LEAP2: variants seen among roughly 807,000 people sequenced by gnomAD.
LEAP2 encodes the protein liver-expressed antimicrobial peptide 2.
A neutral mutation model predicts 9.3 loss-of-function variants in LEAP2; 13 were observed. The observed-to-expected ratio is 1.39, with a 90% CI of 0.91 to 2.21. LEAP2 has a LOEUF of 2.21. Among genes scored for constraint, LEAP2 ranks in the 30% most tolerant of loss-of-function variants. The pLI is 0.00. For synonymous variants in LEAP2, 34 were observed against 34.9 expected (o/e 0.98, Z 0.09); for missense variants, 98 against 94.0 (o/e 1.04, Z -0.17).
chr5:132,874,623 T>C lies in LEAP2; in HGVS notation c.*177T>C. 4.3e-6 allele frequency: 3 copies of C among 703,558 alleles called. No homozygotes were observed. Among genetic ancestry groups the C allele is most frequent in the Non-Finnish European group, 7.8e-6 (3 of 385,260 alleles). The allele number at this position is 703,558 out of a possible 1,614,324, so 43.6% of individuals were successfully genotyped here. A position where few individuals can be genotyped will look rare whatever the true frequency, so the allele number is the denominator to read the frequency against. On this transcript the variant is annotated 3_prime_UTR_variant, in exon 3 of 3. Transcript: ENST00000296877. ...TCCATTTCTTCTTAGAATGTTGATA[T>C]ATGGATAAGCATAACTAAACTTGTC...
Position 132,874,709 on chromosome 5 carries a change from C to A in LEAP2, c.*263C>A. The A allele has an allele frequency of 2.1e-5, 12 of 565,038 alleles. No homozygotes were observed. In the South Asian group the frequency reaches 2.2e-4, roughly 11 times the overall value. 35.0% of individuals were successfully genotyped at this position (565,038 alleles called of 1,614,324 possible). A position where few individuals can be genotyped will look rare whatever the true frequency, so the allele number is the denominator to read the frequency against. On this transcript the variant is annotated 3_prime_UTR_variant, in exon 3 of 3. Coordinates refer to ENST00000296877, the MANE Select transcript of LEAP2 (RefSeq NM_052971.3). The stretch of plus-strand genomic sequence containing the variant: ...TGTCTCAAATTGAAATTTTAGCAGT[C>A]TGGAATTCAAGCTTTTGAGGGAAAG...
At chr5:132,873,782 G>C in intron 1 of LEAP2, 31 bp downstream of exon 1, 1 of 1,597,816 alleles carries the variant, frequency 6.3e-7, no homozygotes, top group East Asian at 2.2e-5. Flanking sequence ...ATGTGTGTGT[G>C]TGGAGTGTGG....
chr5:132,873,781 T>C (rs1418090747), intron 1 of LEAP2, 30 bp downstream of exon 1: 5 of 1,597,500 alleles, frequency 3.1e-6, no homozygotes, highest in Non-Finnish European at 4.3e-6. Context: ...TATGTGTGTG[T>C]GTGGAGTGTG....
At chr5:132,873,792 G>A (rs1759774459) in intron 1 of LEAP2, 41 bp downstream of exon 1, 2 of 1,593,436 alleles carry the variant, frequency 1.3e-6, no homozygotes, top group Admixed American at 3.3e-5. Flanking sequence ...GTGGAGTGTG[G>A]AGATGATAGT....
chr5:132,873,854 C>G (rs1326562820), intron 1 of LEAP2, 96 bp from the exon 2 acceptor site: 3 of 1,587,426 alleles, frequency 1.9e-6, no homozygotes, highest in Non-Finnish European at 2.6e-6. Flanking sequence ...TTCCTCTGTT[C>G]TGAGTCTACA....
chr5:132,874,331 A>G, intron 2 of LEAP2, 79 bp from the exon 3 acceptor site: 1 of 1,267,878 alleles, frequency 7.9e-7, no homozygotes, highest in Non-Finnish European at 1.2e-6. Flanking sequence ...GATCAAGCAA[A>G]GAGGAAGGAA....
chr5:132,874,002 G>A lies in LEAP2; in HGVS notation c.110G>A (p.Arg37Lys). ...EVSSAKRRPR[R>K]MTPFWRGVSL... ...AGTTCGGCAAAGAGAAGGCCACGGAGAATGACCCCATTTTGGAGAGGGGTT... is the reference window on the plus strand; with the variant it reads ...AGTTCGGCAAAGAGAAGGCCACGGAAAATGACCCCATTTTGGAGAGGGGTT... The change falls in exon 2 of 3, where the codon AGA becomes AAA. Residue 37 changes from arginine to lysine, a missense_variant. Coordinates refer to ENST00000296877, the MANE Select transcript of LEAP2 (RefSeq NM_052971.3). The A allele has an allele frequency of 6.2e-7, 1 of 1,614,180 alleles. No individual in the cohort carries two copies. The highest frequency in any genetic ancestry group is 8.5e-7 in the Non-Finnish European group (1 of 1,180,034).
chr5:132,874,128 C>A (rs370433784), intron 2 of LEAP2, 39 bp downstream of exon 2: 37 of 1,591,662 alleles, frequency 2.3e-5, no homozygotes, highest in Non-Finnish European at 3.1e-5. Flanking sequence ...GGCCAGAGAG[C>A]CCTGGGAAGC....
chr5:132,874,492 C>T lies in LEAP2; in HGVS notation c.*46C>T. 2 of 1,528,298 alleles carry T rather than the reference C, an allele frequency of 1.3e-6. No individual in the cohort carries two copies. The highest frequency in any genetic ancestry group is 1.8e-6 in the Non-Finnish European group (2 of 1,101,980). 94.7% of individuals were successfully genotyped at this position (1,528,298 alleles called of 1,614,324 possible). A position where few individuals can be genotyped will look rare whatever the true frequency, so the allele number is the denominator to read the frequency against. The stretch of plus-strand genomic sequence containing the variant: ...AGGACAGCAGTCACCTCCGACAATG[C>T]TCCGTTCTATGGAATATTGATTAAC... On this transcript the variant is annotated 3_prime_UTR_variant, in exon 3 of 3. Transcript: ENST00000296877.
chr5:132,874,360 TGGTCATTC>T (rs754567968), intron 2 of LEAP2, 42 bp from the exon 3 acceptor site: 1 of 1,501,874 alleles, frequency 6.7e-7, no homozygotes, highest in Non-Finnish European at 9.3e-7. Flanking sequence ...TAGGTGGCCC[TGGTCATTC>T]CTAGACCCAG....
Position 132,874,457 on chromosome 5 carries a change from AG to A in LEAP2, c.*14del. The A allele has an allele frequency of 6.2e-7, 1 of 1,610,916 alleles. No homozygotes were observed. The highest frequency in any genetic ancestry group is 8.5e-7 in the Non-Finnish European group (1 of 1,177,066). Reference sequence around the variant, plus strand: ...GTGGCCCAGGAATGATGTACATACCAGGGAAAGAAAGGACAGCAGTCACCTC... The same window carrying A: ...GTGGCCCAGGAATGATGTACATACCAGGAAAGAAAGGACAGCAGTCACCTC... On this transcript the variant is annotated 3_prime_UTR_variant, in exon 3 of 3. Coordinates refer to ENST00000296877, the MANE Select transcript of LEAP2 (RefSeq NM_052971.3).
rs535381095 is a variant in LEAP2, at chr5:132,874,583, C to T, written c.*137C>T. 1.2e-4 allele frequency: 89 copies of T among 773,912 alleles called. No homozygotes were observed. In the East Asian group the frequency reaches 1.8e-3, roughly 15 times the overall value. The allele number at this position is 773,912 out of a possible 1,614,324, so 47.9% of individuals were successfully genotyped here. On this transcript the variant is annotated 3_prime_UTR_variant, in exon 3 of 3. Coordinates refer to ENST00000296877, the MANE Select transcript of LEAP2 (RefSeq NM_052971.3). ...TTTTTAATATTTAAAGGCAGATGTA[C>T]GCTTTAAATTGGTCTCCATTTCTTC...
chr5:132,874,026 T>C lies in LEAP2; in HGVS notation c.134T>C (p.Val45Ala). The change falls in exon 2 of 3, where the codon GTT (valine) becomes GCT (alanine). Residue 45 changes from valine (V) to alanine (A), a missense_variant. Val to Ala is a moderately conservative substitution (Grantham distance 64). Transcript: ENST00000296877. The part of the protein sequence containing the change: ...PRRMTPFWRG[V>A]SLRPIGASCR... ...AGAATGACCCCATTTTGGAGAGGGG[T>C]TTCCCTCAGGCCTATTGGAGCCTCC... The C allele has an allele frequency of 6.2e-7, 1 of 1,613,680 alleles. No homozygotes were observed. Among genetic ancestry groups the C allele is most frequent in the Non-Finnish European group, 8.5e-7 (1 of 1,179,858 alleles).
Position 132,873,708 on chromosome 5 carries a change from A to C in LEAP2, c.14A>C (p.Lys5Thr). 6.2e-7 allele frequency: 1 copy of C among 1,614,078 alleles called. No individual in the cohort carries two copies. Among genetic ancestry groups the C allele is most frequent in the Non-Finnish European group, 8.5e-7 (1 of 1,179,946 alleles). Residue 5 changes from lysine to threonine, a missense_variant, in exon 1 of 3, where the codon AAA becomes ACA. Physicochemically the swap from Lys to Thr is moderately conservative, Grantham distance 78. Coordinates refer to ENST00000296877, the MANE Select transcript of LEAP2 (RefSeq NM_052971.3). MWHL[K>T]LCAVLMIFLL... is the part of the protein sequence containing the mutation. ...CCCCCTGTCAAGATGTGGCACCTCAAACTTTGTGCAGTCCTCATGATCTTC... is the reference window on the plus strand; with the variant it reads ...CCCCCTGTCAAGATGTGGCACCTCACACTTTGTGCAGTCCTCATGATCTTC...
In LEAP2 at chr5:132,874,082, C is replaced by A. The variant is rs1339588772; in HGVS notation, c.190C>A (p.Leu64Ile). The A allele has an allele frequency of 6.2e-7, 1 of 1,612,920 alleles. No homozygotes were observed. The change falls in exon 2 of 3, where the codon CTA becomes ATA. Residue 64 changes from leucine to isoleucine, a missense_variant. By Grantham distance (5) the Leu-to-Ile change is conservative (BLOSUM62 2). Coordinates refer to ENST00000296877, the MANE Select transcript of LEAP2 (RefSeq NM_052971.3). ...GGATGATTCTGAGTGTATCACAAGG[C>A]TATGCAGGTACTCCCTGAACCTGGG... ...CRDDSECITR[L>I]CRKRRCSLSV...
Position 132,875,011 on chromosome 5 carries a change from A to C in LEAP2, c.*565A>C, listed in dbSNP as rs1477894631. The C allele has an allele frequency of 7.3e-6, 1 of 136,872 alleles. No homozygotes were observed. 8.5% of individuals were successfully genotyped at this position (136,872 alleles called of 1,614,324 possible). A position where few individuals can be genotyped will look rare whatever the true frequency, so the allele number is the denominator to read the frequency against. ...ATGCCACTGCACCCCAGCCTGGGTG[A>C]CATAGAGAGACTCTGTCTCAAAAAA... On this transcript the variant is annotated 3_prime_UTR_variant, in exon 3 of 3. Transcript: ENST00000296877.
chr5:132,873,803 G>C, intron 1 of LEAP2, 52 bp downstream of exon 1: 1 of 1,585,604 alleles, frequency 6.3e-7, no homozygotes, highest in Non-Finnish European at 8.7e-7. Flanking sequence ...AGATGATAGT[G>C]GTGGTGGAAC....
chr5:132,874,000 G>A lies in LEAP2; in HGVS notation c.108G>A (p.Arg36=), dbSNP rs767238845. 9.9e-6 allele frequency: 16 copies of A among 1,614,070 alleles called. No individual in the cohort carries two copies. In the Admixed American group the frequency reaches 2.3e-4, roughly 24 times the overall value. The change falls in exon 2 of 3, where the codon CGG becomes CGA. Residue 36 remains arginine, a synonymous_variant. Transcript: ENST00000296877. ...TGAGTTCGGCAAAGAGAAGGCCACG[G>A]AGAATGACCCCATTTTGGAGAGGGG... ...PEVSSAKRRP[R]RMTPFWRGVS... is the part of the protein sequence containing the mutation.
intron 2 of LEAP2, 24 bp from the exon 3 acceptor site, chr5:132,874,386 A>G: frequency 6.2e-7 from 1 of 1,610,646 alleles, no homozygotes; most frequent in Admixed American, 1.7e-5. Context: ...CAGTCTTAAA[A>G]AACTACCCTT....
Sources: gnomAD v4.1 joint callset for allele counts on GRCh38, gnomAD v4.1.1 for gene constraint, MANE v1.5 for transcripts, NCBI Gene and HGNC (gene_info 2026-07-23, HGNC 2026-07-21) for gene names.